Variants in C9 observed in about 807,000 individuals in gnomAD.
C9 encodes the protein complement component C9.
A neutral mutation model predicts 65.4 loss-of-function variants in C9; 63 were observed. The observed-to-expected ratio is 0.96, with a 90% CI of 0.79 to 1.19. C9 has a LOEUF of 1.19. Among genes scored for constraint, C9 ranks in the 50% most tolerant of loss-of-function variants. The probability of loss-of-function intolerance (pLI) is 0.00; values close to 1 mark genes in which losing one functional copy is unlikely to be tolerated. For missense variants in C9, 744 were observed against 670.1 expected, an observed-to-expected ratio of 1.11 and a Z score of -1.22; for synonymous variants, 229 against 227.9, an observed-to-expected ratio of 1.00 and a Z score of -0.04.
At chr5:39,346,095 A>C (rs1224311728) in intron 1 of C9, among the ~76,000 whole-genome samples, 1 of 152,204 alleles carries the variant, frequency 6.6e-6, no homozygotes, top group Non-Finnish European at 1.5e-5. Flanking sequence ...ACACCCTAAC[A>C]TCACAATTAA....
At chr5:39,358,546 C>T (rs1754448465) in intron 1 of C9, among the ~76,000 whole-genome samples, 1 of 152,082 alleles carries the variant, frequency 6.6e-6, no homozygotes, top group South Asian at 2.1e-4. Flanking sequence ...TTTGTGTTTT[C>T]CAATGATTTC....
chr5:39,359,416 G>A (rs1391939407), intron 1 of C9, among the ~76,000 whole-genome samples: 2 of 151,924 alleles, frequency 1.3e-5, no homozygotes, highest in Admixed American at 6.6e-5. Flanking sequence ...TTTCATCATA[G>A]GTATAGATGT....
rs1038679688 is a variant in C9, at chr5:39,331,956, A to G, written c.477-142T>C. ...GTGTGCTATAATCAGGAACAGAAGCAAGAGCCTGTTCACCTTGGCTCAGTG... is the reference window on the plus strand; with the variant it reads ...GTGTGCTATAATCAGGAACAGAAGCGAGAGCCTGTTCACCTTGGCTCAGTG... On this transcript the variant is annotated intron_variant, in intron 4 of 10. Coordinates refer to ENST00000263408, the MANE Select transcript of C9 (RefSeq NM_001737.5). 38 of 792,620 alleles carry G rather than the reference A, an allele frequency of 4.8e-5. No individual in the cohort carries two copies. In the Admixed American group the frequency reaches 6.9e-4, roughly 14 times the overall value. The allele number at this position is 792,620 out of a possible 1,614,324, so 49.1% of individuals were successfully genotyped here.
intron 9 of C9, among the ~76,000 whole-genome samples, chr5:39,293,202 C>A (rs1488634987): frequency 6.6e-6 from 1 of 151,910 alleles, no homozygotes; most frequent in Non-Finnish European, 1.5e-5. Flanking sequence ...GGAATAAGTC[C>A]TCACCTATCA....
chr5:39,324,261 T>C (rs1007346445), intron 5 of C9, among the ~76,000 whole-genome samples: 2 of 152,156 alleles, frequency 1.3e-5, no homozygotes, highest in African/African-American at 4.8e-5. Context: ...GCAGACTCAA[T>C]GCAATCCCTA....
At chr5:39,331,515 A>C (rs898331408) in intron 5 of C9, among the ~76,000 whole-genome samples, 161 bp downstream of exon 5, 3 of 152,186 alleles carry the variant, frequency 2.0e-5, no homozygotes, top group African/African-American at 7.2e-5. Flanking sequence ...ACACAATTGT[A>C]TGTTTCTAAA....
chr5:39,297,143 T>C (rs1213724996), intron 9 of C9, among the ~76,000 whole-genome samples: 4 of 151,638 alleles, frequency 2.6e-5, no homozygotes, highest in African/African-American at 9.6e-5. Flanking sequence ...TTCAGGTATC[T>C]AGAAGAAGAA....
intron 4 of C9, among the ~76,000 whole-genome samples, chr5:39,333,502 C>T (rs1417203867): frequency 6.6e-6 from 1 of 152,038 alleles, no homozygotes; most frequent in Non-Finnish European, 1.5e-5. Flanking sequence ...GCTGTTGCAG[C>T]TTGAGGTGAA....
At chr5:39,326,692 T>C (rs1469824556) in intron 5 of C9, among the ~76,000 whole-genome samples, 1 of 152,214 alleles carries the variant, frequency 6.6e-6, no homozygotes, top group African/African-American at 2.4e-5. Flanking sequence ...GCAGTTTCTA[T>C]AGGGAAAGAC....
rs62358366 is a variant in C9, at chr5:39,354,137, G to A, written c.77+10251C>T. Reference sequence around the variant, plus strand: ...AATGTATTACATGGGATGCCAAAACGTCTAGAAGAACCTGCTTTCTTGGAA... The same window carrying A: ...AATGTATTACATGGGATGCCAAAACATCTAGAAGAACCTGCTTTCTTGGAA... On this transcript the variant is annotated intron_variant, in intron 1 of 10. Coordinates refer to ENST00000263408, the MANE Select transcript of C9 (RefSeq NM_001737.5). Among the ~76,000 whole-genome samples the A allele has an allele frequency of 6.4e-3, 969 of 152,296 alleles. 4 individuals are homozygous for A. Among genetic ancestry groups the A allele is most frequent in the Non-Finnish European group, 9.5e-3 (643 of 68,028 alleles).
At chr5:39,307,947 T>C (rs1010925540) in intron 8 of C9, among the ~76,000 whole-genome samples, 5 of 152,160 alleles carry the variant, frequency 3.3e-5, no homozygotes, top group African/African-American at 1.2e-4. Flanking sequence ...TTTATGAAGA[T>C]ACTTTTTTAC....
chr5:39,297,065 A>G (rs1415461602), intron 9 of C9, among the ~76,000 whole-genome samples: 1 of 151,620 alleles, frequency 6.6e-6, no homozygotes. Flanking sequence ...CATAGGAGGA[A>G]TAAGTTCTAG....
intron 4 of C9, among the ~76,000 whole-genome samples, chr5:39,333,880 C>T (rs1292398544): frequency 6.6e-6 from 1 of 152,180 alleles, no homozygotes; most frequent in Non-Finnish European, 1.5e-5. Context: ...TCCTGAGTTG[C>T]CGGGATTGCA....
At position 39,288,964 on chromosome 5, in the gene C9, A is replaced by C. The variant is rs1376484852; in HGVS notation, c.1417-13T>G. 6 of 1,433,758 alleles carry C rather than the reference A, an allele frequency of 4.2e-6. No homozygotes were observed. The highest frequency in any genetic ancestry group is 4.9e-6 in the Non-Finnish European group (5 of 1,016,604). The allele number at this position is 1,433,758 out of a possible 1,614,324, so 88.8% of individuals were successfully genotyped here. A position where few individuals can be genotyped will look rare whatever the true frequency, so the allele number is the denominator to read the frequency against. On this transcript the variant is annotated splice_polypyrimidine_tract_variant and intron_variant, in intron 9 of 10. Coordinates refer to ENST00000263408, the MANE Select transcript of C9 (RefSeq NM_001737.5). ...ATATAGGAGACAGCTGAAAGGAAGC[A>C]AAACATTTAATTTTAGGTCCTTTTT...
At chr5:39,342,626 C>T (rs1460349659) in intron 1 of C9, among the ~76,000 whole-genome samples, 1 of 152,084 alleles carries the variant, frequency 6.6e-6, no homozygotes, top group Non-Finnish European at 1.5e-5. Context: ...GCTAAGTTAC[C>T]TCATTCTCTT....
At chr5:39,334,756 G>T (rs1329061476) in intron 4 of C9, among the ~76,000 whole-genome samples, 1 of 149,546 alleles carries the variant, frequency 6.7e-6, no homozygotes, top group African/African-American at 2.5e-5. Context: ...GCCTCTGCCC[G>T]GCCGCCCCTA....
intron 9 of C9, among the ~76,000 whole-genome samples, chr5:39,292,482 C>T (rs1579838453): frequency 6.6e-6 from 1 of 150,974 alleles, no homozygotes. Flanking sequence ...AAAAGAAATG[C>T]CAAAGGAAAT....
intron 4 of C9, 55 bp downstream of exon 4, chr5:39,341,091 G>A: frequency 6.4e-7 from 1 of 1,571,492 alleles, no homozygotes; most frequent in South Asian, 1.1e-5. Context: ...CAATGAGAGA[G>A]ATGGAGATCA....
At chr5:39,294,973 T>C (rs1032604090) in intron 9 of C9, among the ~76,000 whole-genome samples, 5 of 151,862 alleles carry the variant, frequency 3.3e-5, no homozygotes, top group Non-Finnish European at 7.4e-5. Context: ...TGTGATCATC[T>C]CAATAGATGC....
Sources: gnomAD v4.1 joint callset for allele counts (sites outside exome capture counted in the v4.1 genomes callset) on GRCh38, gnomAD v4.1.1 for gene constraint, MANE v1.5 for transcripts, NCBI Gene and HGNC (gene_info 2026-07-23, HGNC 2026-07-21) for gene names.